Variants in CNTN4 observed in about 807,000 individuals in gnomAD.
The protein encoded by CNTN4 is contactin-4.
A neutral mutation model predicts 122.5 loss-of-function variants in CNTN4; 77 were observed. The observed-to-expected ratio is 0.63, with a 90% CI of 0.52 to 0.76. CNTN4 has a LOEUF of 0.76. Ranked by LOEUF, CNTN4 falls within the 30% of genes least tolerant of loss-of-function variation. CNTN4 has a pLI of 0.00. For missense variants in CNTN4, 1,256 were observed against 1,259.1 expected, an observed-to-expected ratio of 1.00 and a Z score of 0.04; for synonymous variants, 512 against 447.0, an observed-to-expected ratio of 1.15 and a Z score of -1.83.
intron 13 of CNTN4, among the ~76,000 whole-genome samples, chr3:2,976,995 G>A (rs1316748392): frequency 1.3e-5 from 2 of 152,054 alleles, no homozygotes; most frequent in Non-Finnish European, 2.9e-5. Context: ...CACAAAGCCA[G>A]AGACCCCTGT....
At chr3:2,529,149 T>A (rs1312456415) in intron 3 of CNTN4, among the ~76,000 whole-genome samples, 1 of 152,150 alleles carries the variant, frequency 6.6e-6, no homozygotes, top group Admixed American at 6.5e-5. Flanking sequence ...CTCTACTCTC[T>A]ACTTCTAGGA....
intron 2 of CNTN4, among the ~76,000 whole-genome samples, chr3:2,259,970 A>C (rs2149739900): frequency 6.6e-6 from 1 of 152,130 alleles, no homozygotes. Context: ...TGTTATTTTC[A>C]AGTTTTTTTA....
At chr3:2,168,357 G>T (rs1258334699) in intron 2 of CNTN4, among the ~76,000 whole-genome samples, 1 of 152,064 alleles carries the variant, frequency 6.6e-6, no homozygotes, top group Non-Finnish European at 1.5e-5. Flanking sequence ...ACTTGTGAAT[G>T]GCTTTTGGGT....
chr3:2,372,996 A>G (rs558419904), intron 3 of CNTN4, among the ~76,000 whole-genome samples: 1 of 152,298 alleles, frequency 6.6e-6, no homozygotes, highest in South Asian at 2.1e-4. Context: ...GCAATGAGCC[A>G]AGATCTCACC....
rs140902345 is a variant in CNTN4, at chr3:2,761,827, T to C, written c.358+16130T>C. Among the ~76,000 whole-genome samples, 146 of 152,302 alleles carry C rather than the reference T, an allele frequency of 9.6e-4. 1 individual carries two copies. The South Asian group carries it at 0.015, about 16-fold the overall frequency. On this transcript the variant is annotated intron_variant, in intron 6 of 24. Transcript: ENST00000418658. ...TCACCTGAGATTTCTAAGAAGGGAT[T>C]ATTATTAATTAATTACTGATGCTGT...
At chr3:2,214,622 A>G (rs1575097476) in intron 2 of CNTN4, among the ~76,000 whole-genome samples, 1 of 152,162 alleles carries the variant, frequency 6.6e-6, no homozygotes, top group Non-Finnish European at 1.5e-5. Flanking sequence ...CCTAAAGTAC[A>G]ATTTGACAAC....
At chr3:2,942,249 G>C (rs890132068) in intron 13 of CNTN4, among the ~76,000 whole-genome samples, 1 of 152,150 alleles carries the variant, frequency 6.6e-6, no homozygotes, top group Non-Finnish European at 1.5e-5. Context: ...AAAGATAAAA[G>C]TAAGTAATTT....
intron 3 of CNTN4, among the ~76,000 whole-genome samples, chr3:2,441,758 A>C (rs1487993452): frequency 6.6e-6 from 1 of 152,162 alleles, no homozygotes; most frequent in Non-Finnish European, 1.5e-5. Flanking sequence ...ACCCAAGGAC[A>C]CTGGCAACGT....
chr3:2,246,477 A>G (rs2040155132), intron 2 of CNTN4, among the ~76,000 whole-genome samples: 1 of 151,966 alleles, frequency 6.6e-6, no homozygotes, highest in African/African-American at 2.4e-5. Context: ...ACTTCCATAG[A>G]TAGTTACTTT....
chr3:2,880,117 C>A (rs976987042), intron 8 of CNTN4, among the ~76,000 whole-genome samples: 3 of 152,144 alleles, frequency 2.0e-5, no homozygotes, highest in Admixed American at 6.5e-5. Context: ...TATTTTAGTT[C>A]TTTCAAACAA....
chr3:2,691,178 G>A (rs1042687195), intron 4 of CNTN4, among the ~76,000 whole-genome samples: 2 of 152,152 alleles, frequency 1.3e-5, no homozygotes, highest in African/African-American at 2.4e-5. Flanking sequence ...CTGAGTGAAC[G>A]TGTTGATGTC....
chr3:2,799,990 A>G (rs1222852011), intron 6 of CNTN4, among the ~76,000 whole-genome samples: 1 of 150,798 alleles, frequency 6.6e-6, no homozygotes, highest in Non-Finnish European at 1.5e-5. Context: ...CTCTTGATCT[A>G]TGTGTCTATT....
intron 5 of CNTN4, among the ~76,000 whole-genome samples, chr3:2,738,617 A>C (rs910625260): frequency 7.9e-5 from 12 of 152,224 alleles, no homozygotes; most frequent in Non-Finnish European, 1.5e-5. Flanking sequence ...TAAAAAGAAT[A>C]CTGTCTTGTG....
intron 2 of CNTN4, among the ~76,000 whole-genome samples, chr3:2,118,565 G>A (rs1281724662): frequency 9.2e-5 from 14 of 152,214 alleles, no homozygotes; most frequent in Admixed American, 8.5e-4. Context: ...ATTTGTGCAT[G>A]TAAGTTATAT....
intron 5 of CNTN4, among the ~76,000 whole-genome samples, chr3:2,738,988 A>T (rs1381415604): frequency 1.3e-5 from 2 of 152,130 alleles, no homozygotes; most frequent in African/African-American, 2.4e-5. Flanking sequence ...ATTTTTAAGT[A>T]TATTTGTTAT....
intron 6 of CNTN4, among the ~76,000 whole-genome samples, chr3:2,775,286 C>T (rs1162569623): frequency 6.6e-6 from 1 of 152,152 alleles, no homozygotes; most frequent in South Asian, 2.1e-4. Context: ...AGCCTCATCT[C>T]TTCTCCTCCC....
chr3:3,014,066 AC>A (rs1697499197), intron 14 of CNTN4, among the ~76,000 whole-genome samples: 1 of 151,528 alleles, frequency 6.6e-6, no homozygotes, highest in Non-Finnish European at 1.5e-5. Context: ...ACACACACAC[AC>A]ACACACACAC....
At chr3:2,219,028 G>A (rs1359884965) in intron 2 of CNTN4, among the ~76,000 whole-genome samples, 3 of 152,152 alleles carry the variant, frequency 2.0e-5, no homozygotes, top group Non-Finnish European at 4.4e-5. Context: ...TTCCCCCTAG[G>A]ATTACAAAGG....
intron 8 of CNTN4, among the ~76,000 whole-genome samples, chr3:2,876,755 A>G (rs2150931569): frequency 6.6e-6 from 1 of 152,328 alleles, no homozygotes; most frequent in East Asian, 1.9e-4. Flanking sequence ...CCAGGTTTTG[A>G]AGGAGATACA....
Sources: gnomAD v4.1 joint callset for allele counts (sites outside exome capture counted in the v4.1 genomes callset) on GRCh38, gnomAD v4.1.1 for gene constraint, MANE v1.5 for transcripts, NCBI Gene and HGNC (gene_info 2026-07-23, HGNC 2026-07-21) for gene names.